Variants in PCCA observed in about 807,000 individuals in gnomAD.
PCCA encodes the protein propionyl-CoA carboxylase subunit alpha.
Under a neutral mutation model 101.3 loss-of-function variants are expected in PCCA, and 74 were observed. The ratio of observed to expected loss-of-function variants is 0.73; its 90% CI spans 0.61 to 0.89. The LOEUF (loss-of-function observed/expected upper bound fraction) is 0.89, where lower values mean the gene tolerates loss of function less well. PCCA is among the 40% of genes least tolerant of loss of function. PCCA has a pLI of 0.00. For missense variants in PCCA, 891 were observed against 907.0 expected (o/e 0.98, Z 0.23); for synonymous variants, 294 against 313.6 (o/e 0.94, Z 0.66).
At chr13:100,119,634 A>G (rs1028290745) in intron 4 of PCCA, among the ~76,000 whole-genome samples, 1 of 152,142 alleles carries the variant, frequency 6.6e-6, no homozygotes, top group Non-Finnish European at 1.5e-5. Context: ...ATACGAGCAT[A>G]GGGTTTATCC....
At chr13:100,507,295 TAGAC>T (rs1384952509) in intron 21 of PCCA, among the ~76,000 whole-genome samples, 1 of 152,232 alleles carries the variant, frequency 6.6e-6, no homozygotes, top group Non-Finnish European at 1.5e-5. Flanking sequence ...ACCTACTTGT[TAGAC>T]AGCTTGGGGG....
intron 16 of PCCA, among the ~76,000 whole-genome samples, chr13:100,326,289 C>T (rs557076858): frequency 9.2e-5 from 14 of 152,144 alleles, no homozygotes; most frequent in African/African-American, 2.2e-4. Context: ...ACACCACACC[C>T]GAGGAATTAA....
intron 12 of PCCA, among the ~76,000 whole-genome samples, chr13:100,300,827 TA>T (rs2066004772): frequency 6.6e-6 from 1 of 152,222 alleles, no homozygotes; most frequent in Admixed American, 6.5e-5. Context: ...TCAGCCCAAG[TA>T]GTTATCAGCA....
intron 21 of PCCA, among the ~76,000 whole-genome samples, chr13:100,458,361 TAC>T (rs58649291): frequency 0.24 from 24,457 of 101,226 alleles, 3,132 homozygotes; most frequent in Admixed American, 0.28. Context: ...ACCCCATCTC[TAC>T]ACACACACAC....
At chr13:100,407,571 A>G (rs1447923909) in intron 19 of PCCA, among the ~76,000 whole-genome samples, 2 of 152,234 alleles carry the variant, frequency 1.3e-5, no homozygotes, top group Non-Finnish European at 2.9e-5. Flanking sequence ...TGCTCAATCT[A>G]CAGAAAAACC....
At chr13:100,467,053 T>A (rs1160059442) in intron 21 of PCCA, among the ~76,000 whole-genome samples, 1 of 152,104 alleles carries the variant, frequency 6.6e-6, no homozygotes, top group African/African-American at 2.4e-5. Flanking sequence ...AGTCTCCCCT[T>A]TGAGATCACC....
At chr13:100,414,910 AAG>A (rs2152876176) in intron 19 of PCCA, among the ~76,000 whole-genome samples, 1 of 152,324 alleles carries the variant, frequency 6.6e-6, no homozygotes, top group African/African-American at 2.4e-5. Context: ...TACTGTATAC[AAG>A]CACTATATCT....
chr13:100,162,104 GTGTGTGTC>G lies in PCCA; in HGVS notation c.468+4768_468+4775del, dbSNP rs983917587. The stretch of plus-strand genomic sequence containing the variant: ...TATGTGTGTGTGTGTGTGTGTGTGT[GTGTGTGTC>G]TGTCTGTCTGCGTGTGCTAGAATTT... On this transcript the variant is annotated intron_variant, in intron 6 of 23. Transcript: ENST00000376285. 7.8e-4 allele frequency among the ~76,000 whole-genome samples: 118 copies of G among 151,856 alleles called. No individual in the cohort carries two copies. In the East Asian group the frequency reaches 8.0e-3, roughly 10 times the overall value.
At chr13:100,158,096 G>A (rs2054061307) in intron 6 of PCCA, among the ~76,000 whole-genome samples, 1 of 152,196 alleles carries the variant, frequency 6.6e-6, no homozygotes, top group Admixed American at 6.5e-5. Flanking sequence ...CTTAGGCTAA[G>A]TGTGTTATAG....
At chr13:100,153,135 A>T (rs1030220702) in intron 4 of PCCA, among the ~76,000 whole-genome samples, 1 of 152,206 alleles carries the variant, frequency 6.6e-6, no homozygotes, top group Non-Finnish European at 1.5e-5. Flanking sequence ...TTAACATTTG[A>T]TAATGAAAGT....
At chr13:100,251,273 AC>A (rs2061736404) in intron 8 of PCCA, among the ~76,000 whole-genome samples, 1 of 152,244 alleles carries the variant, frequency 6.6e-6, no homozygotes, top group South Asian at 2.1e-4. Flanking sequence ...AAAGTTCCAG[AC>A]AACAAGTACA....
At chr13:100,179,091 A>AATAT (rs565171827) in intron 6 of PCCA, among the ~76,000 whole-genome samples, 2 of 110,530 alleles carry the variant, frequency 1.8e-5, no homozygotes, top group Admixed American at 8.8e-5. Context: ...AAAAAAAAAA[A>AATAT]ATATATATAT....
chr13:100,516,865 C>T (rs1029500296), intron 22 of PCCA, among the ~76,000 whole-genome samples: 4 of 151,836 alleles, frequency 2.6e-5, no homozygotes, highest in Non-Finnish European at 2.9e-5. Flanking sequence ...TTGCACGTGA[C>T]ATTATCAGAG....
At chr13:100,198,381 A>G (rs964480239) in intron 6 of PCCA, 2 of 152,232 alleles carry the variant, frequency 1.3e-5, no homozygotes, top group African/African-American at 4.8e-5. Context: ...TGTTTTGGAC[A>G]TGGTAATGCT....
chr13:100,206,881 A>T (rs2058886293), intron 6 of PCCA, among the ~76,000 whole-genome samples: 1 of 152,164 alleles, frequency 6.6e-6, no homozygotes, highest in South Asian at 2.1e-4. Context: ...TCATCCCCAT[A>T]GAGAAAAGGA....
At chr13:100,524,413 T>TGTGTGTGTGTGTGTGTG (rs2087570771) in intron 22 of PCCA, among the ~76,000 whole-genome samples, 3 of 42,842 alleles carry the variant, frequency 7.0e-5, no homozygotes, top group South Asian at 1.3e-3. Flanking sequence ...GTGTGTGTGT[T>TGTGTGTGTGTGTGTGTG]GGGGTAGAAC....
chr13:100,380,739 A>G (rs765003333), intron 19 of PCCA, among the ~76,000 whole-genome samples: 85 of 152,246 alleles, frequency 5.6e-4, no homozygotes, highest in Non-Finnish European at 1.1e-3. Flanking sequence ...TTAAAAATAG[A>G]TGAATTGTTC....
intron 4 of PCCA, among the ~76,000 whole-genome samples, chr13:100,126,782 C>G (rs572045221): frequency 1.3e-5 from 2 of 152,216 alleles, no homozygotes; most frequent in African/African-American, 4.8e-5. Context: ...AGTTATTGTA[C>G]AGATGAACAC....
intron 4 of PCCA, among the ~76,000 whole-genome samples, chr13:100,135,235 A>T (rs1365341835): frequency 6.6e-6 from 1 of 151,756 alleles, no homozygotes; most frequent in Non-Finnish European, 1.5e-5. Context: ...CTACAAACAA[A>T]CAAAAATATA....
Sources: gnomAD v4.1 joint callset for allele counts (sites outside exome capture counted in the v4.1 genomes callset) on GRCh38, gnomAD v4.1.1 for gene constraint, MANE v1.5 for transcripts, NCBI Gene and HGNC (gene_info 2026-07-23, HGNC 2026-07-21) for gene names.